Variants in CERS6 observed in about 807,000 individuals in gnomAD.
CERS6 encodes the protein LAG1 homolog, ceramide synthase 6.
In CERS6, 26 loss-of-function variants were observed where a neutral mutation model predicts 56.8. The ratio of observed to expected loss-of-function variants is 0.46; its 90% confidence interval spans 0.34 to 0.63. The LOEUF (loss-of-function observed/expected upper bound fraction) is 0.63, where lower values mean the gene tolerates loss of function less well. Among genes scored for constraint, CERS6 ranks in the 30% least tolerant of loss-of-function variants. The pLI is 0.01. For missense variants in CERS6, 415 were observed against 467.5 expected, an observed-to-expected ratio of 0.89 and a Z score of 1.04; for synonymous variants, 164 against 173.3, an observed-to-expected ratio of 0.95 and a Z score of 0.42.
intron 8 of CERS6, among the ~76,000 whole-genome samples, chr2:168,737,520 A>G (rs1683753910): frequency 6.6e-6 from 1 of 152,234 alleles, no homozygotes; most frequent in East Asian, 1.9e-4. Context: ...TGCAGTGTCT[A>G]AAACCTTTTG....
chr2:168,619,161 T>G (rs1684400112), intron 3 of CERS6, among the ~76,000 whole-genome samples: 2 of 152,176 alleles, frequency 1.3e-5, no homozygotes, highest in Admixed American at 1.3e-4. Context: ...GGAAGCCACA[T>G]GTAGGAGAAT....
intron 4 of CERS6, among the ~76,000 whole-genome samples, chr2:168,687,799 G>T (rs1420220160): frequency 6.6e-6 from 1 of 152,108 alleles, no homozygotes; most frequent in Non-Finnish European, 1.5e-5. Context: ...CCCCCACCAG[G>T]CTCAAGCAAT....
chr2:168,629,874 G>A (rs970959823), intron 3 of CERS6, among the ~76,000 whole-genome samples: 9 of 151,712 alleles, frequency 5.9e-5, no homozygotes. Context: ...GGAGTGCAGT[G>A]GTGGGATCTC....
intron 3 of CERS6, among the ~76,000 whole-genome samples, chr2:168,586,656 G>C (rs370779622): frequency 1.3e-5 from 2 of 151,996 alleles, no homozygotes; most frequent in Non-Finnish European, 2.9e-5. Flanking sequence ...AGTTTCACAC[G>C]TTGTCATTGG....
chr2:168,652,095 A>C (rs1009837313), intron 4 of CERS6, among the ~76,000 whole-genome samples: 6 of 152,102 alleles, frequency 3.9e-5, no homozygotes, highest in Non-Finnish European at 8.8e-5. Flanking sequence ...ACTTAAAAAA[A>C]AAAAAGCTTG....
At chr2:168,550,850 ACT>A (rs1395945447) in intron 2 of CERS6, among the ~76,000 whole-genome samples, 5 of 151,762 alleles carry the variant, frequency 3.3e-5, no homozygotes, top group East Asian at 1.9e-4. Flanking sequence ...TCGATCCCCC[ACT>A]CTCTGTGTTT....
Position 168,753,382 on chromosome 2 carries a change from T to A in CERS6, c.846-12210T>A, listed in dbSNP as rs192984242. Among the ~76,000 whole-genome samples, 88 of 152,394 alleles carry A rather than the reference T, an allele frequency of 5.8e-4. 2 individuals are homozygous for A. Among genetic ancestry groups the A allele is most frequent in the East Asian group, 1.9e-4 (1 of 5,196 alleles). On this transcript the variant is annotated intron_variant, in intron 8 of 9. Transcript: ENST00000305747. The stretch of plus-strand genomic sequence containing the variant: ...TTTGTCTTGATCAGTTATTATTCAG[T>A]GCATATAGTTTCATGTGTGTTATTT...
intron 3 of CERS6, among the ~76,000 whole-genome samples, chr2:168,618,162 C>G (rs922447348): frequency 6.6e-6 from 1 of 152,144 alleles, no homozygotes; most frequent in Non-Finnish European, 1.5e-5. Flanking sequence ...CAAGAAAAAG[C>G]ATTTGACAAA....
intron 6 of CERS6, among the ~76,000 whole-genome samples, chr2:168,701,745 C>T (rs573438847): frequency 6.6e-6 from 1 of 152,240 alleles, no homozygotes; most frequent in Non-Finnish European, 1.5e-5. Flanking sequence ...GGTACTCCCA[C>T]CTGTAATCCC....
chr2:168,522,527 T>C (rs942780060), intron 1 of CERS6, among the ~76,000 whole-genome samples: 1 of 150,640 alleles, frequency 6.6e-6, no homozygotes. Flanking sequence ...CTCTTCCCTG[T>C]AACTTAGGTG....
intron 4 of CERS6, among the ~76,000 whole-genome samples, chr2:168,655,168 T>G (rs1020013073): frequency 2.0e-5 from 3 of 152,016 alleles, no homozygotes; most frequent in African/African-American, 7.2e-5. Flanking sequence ...AAATATAGAT[T>G]AAAACCACCG....
chr2:168,764,939 T>C (rs191280085), intron 8 of CERS6, among the ~76,000 whole-genome samples: 4 of 152,324 alleles, frequency 2.6e-5, no homozygotes, highest in Admixed American at 6.5e-5. Context: ...AGTAGCATTA[T>C]TTGCAATGGC....
intron 3 of CERS6, among the ~76,000 whole-genome samples, chr2:168,569,034 G>C (rs1378543690): frequency 2.6e-5 from 4 of 152,200 alleles, no homozygotes; most frequent in Non-Finnish European, 5.9e-5. Flanking sequence ...TTTGCTTGTA[G>C]TGGCTGTTGC....
rs191116563 is a variant in CERS6 at position 168,742,229 on chromosome 2, G to A, written c.846-23363G>A. On this transcript the variant is annotated intron_variant, in intron 8 of 9. Coordinates refer to ENST00000305747, the MANE Select transcript of CERS6 (RefSeq NM_203463.3). ...TGCCTTTCTAATAACTTTATTTTCA[G>A]GAGCCTGATGTTCTTATTCTTTTTT... 3.5e-3 allele frequency among the ~76,000 whole-genome samples: 527 copies of A among 152,186 alleles called. 8 individuals are homozygous for A. The highest frequency in any genetic ancestry group is 0.012 in the African/African-American group (507 of 41,500).
chr2:168,482,203 G>A (rs779073353), intron 1 of CERS6, among the ~76,000 whole-genome samples: 1 of 152,134 alleles, frequency 6.6e-6, no homozygotes, highest in Non-Finnish European at 1.5e-5. Context: ...ACTAAAATAG[G>A]TTTTCTTGAG....
At chr2:168,592,616 A>G (rs953870673) in intron 3 of CERS6, among the ~76,000 whole-genome samples, 23 of 152,086 alleles carry the variant, frequency 1.5e-4, no homozygotes, top group African/African-American at 5.5e-4. Flanking sequence ...GGGAGGAGCA[A>G]TTTCAGGAAC....
intron 1 of CERS6, among the ~76,000 whole-genome samples, chr2:168,504,322 GATTGC>G: frequency 6.6e-6 from 1 of 152,016 alleles, no homozygotes; most frequent in Non-Finnish European, 1.5e-5. Context: ...AGTGAGCCAA[GATTGC>G]ACCACTGCAC....
chr2:168,560,825 T>C (rs1180181320), intron 2 of CERS6, among the ~76,000 whole-genome samples: 5 of 152,274 alleles, frequency 3.3e-5, no homozygotes, highest in Admixed American at 6.5e-5. Context: ...GATACCTCTT[T>C]GCAAATTTAC....
At chr2:168,472,279 C>T (rs1236580343) in intron 1 of CERS6, among the ~76,000 whole-genome samples, 1 of 152,160 alleles carries the variant, frequency 6.6e-6, no homozygotes, top group Non-Finnish European at 1.5e-5. Context: ...ATTATCACAG[C>T]AAAGTGAATA....
Sources: gnomAD v4.1 joint callset for allele counts (sites outside exome capture counted in the v4.1 genomes callset) on GRCh38, gnomAD v4.1.1 for gene constraint, MANE v1.5 for transcripts, NCBI Gene and HGNC (gene_info 2026-07-23, HGNC 2026-07-21) for gene names.